The following GPR158 variants were observed in gnomAD, a reference collection of about 807,000 sequenced individuals.
GPR158 encodes G protein-coupled receptor 158, also known as metabotropic glycine receptor.
GPR158 carries 30 observed loss-of-function variants against 78.2 expected under a neutral mutation model. The observed-to-expected ratio is 0.38, with a 90% CI of 0.29 to 0.52. GPR158 has a LOEUF of 0.52. Among genes scored for constraint, GPR158 ranks in the 20% least tolerant of loss-of-function variants. The probability of loss-of-function intolerance (pLI) is 0.83; values close to 1 mark genes in which losing one functional copy is unlikely to be tolerated. For missense variants in GPR158, 1,463 were observed against 1,523.5 expected, an observed-to-expected ratio of 0.96 and a Z score of 0.66; for synonymous variants, 581 against 591.1, an observed-to-expected ratio of 0.98 and a Z score of 0.25.
intron 7 of GPR158, among the ~76,000 whole-genome samples, chr10:25,578,841 A>C (rs1392328403): frequency 6.6e-6 from 1 of 151,926 alleles, no homozygotes; most frequent in Non-Finnish European, 1.5e-5. Context: ...CCCCATCTCT[A>C]CTAAAAATAC....
intron 5 of GPR158, among the ~76,000 whole-genome samples, chr10:25,519,470 G>A (rs1428616718): frequency 1.8e-4 from 23 of 126,882 alleles, no homozygotes; most frequent in South Asian, 1.4e-3. Context: ...TCCTAGTCTC[G>A]ATGGTCTTTA....
At chr10:25,489,557 C>A (rs575807344) in intron 5 of GPR158, among the ~76,000 whole-genome samples, 24 of 152,012 alleles carry the variant, frequency 1.6e-4, no homozygotes, top group Non-Finnish European at 2.6e-4. Flanking sequence ...CACTAGAATG[C>A]CTCTTCAAAT....
intron 2 of GPR158, among the ~76,000 whole-genome samples, chr10:25,230,281 A>T (rs1399489301): frequency 6.6e-6 from 1 of 152,176 alleles, no homozygotes; most frequent in South Asian, 2.1e-4. Flanking sequence ...GATATTTGGG[A>T]GGATAATTGA....
At chr10:25,476,090 T>C (rs1835579930) in intron 5 of GPR158, 1 of 152,248 alleles carries the variant, frequency 6.6e-6, no homozygotes, top group South Asian at 2.1e-4. Flanking sequence ...AGCATTGTTA[T>C]ATTGGGTAGC....
chr10:25,376,773 GA>G (rs1185348315), intron 2 of GPR158, among the ~76,000 whole-genome samples: 3 of 151,610 alleles, frequency 2.0e-5, no homozygotes, highest in African/African-American at 7.3e-5. Context: ...TATACATCCT[GA>G]ATTAGCAGTT....
chr10:25,580,079 C>T (rs1368927460), intron 7 of GPR158, among the ~76,000 whole-genome samples: 1 of 152,194 alleles, frequency 6.6e-6, no homozygotes, highest in Non-Finnish European at 1.5e-5. Flanking sequence ...CAGAGCTTGA[C>T]ATCACTTGTT....
intron 1 of GPR158, among the ~76,000 whole-genome samples, chr10:25,187,680 T>C (rs1247471845): frequency 1.3e-5 from 2 of 152,228 alleles, no homozygotes; most frequent in Non-Finnish European, 2.9e-5. Flanking sequence ...AATATCATAC[T>C]GAATGGGCAA....
chr10:25,303,403 A>C (rs746308123), intron 2 of GPR158, among the ~76,000 whole-genome samples: 1 of 152,138 alleles, frequency 6.6e-6, no homozygotes, highest in Non-Finnish European at 1.5e-5. Context: ...TCTGTCCTTA[A>C]CTTTGTATTA....
chr10:25,345,679 T>A (rs761317418), intron 2 of GPR158, among the ~76,000 whole-genome samples: 34 of 151,926 alleles, frequency 2.2e-4, no homozygotes, highest in Admixed American at 9.9e-4. Context: ...TGGCAAAAAT[T>A]GTAATCTGCT....
chr10:25,280,071 A>G (rs2130752385), intron 2 of GPR158, among the ~76,000 whole-genome samples: 1 of 152,294 alleles, frequency 6.6e-6, no homozygotes, highest in Non-Finnish European at 1.5e-5. Context: ...AAAAGCATAG[A>G]AAAATCAGGT....
intron 5 of GPR158, among the ~76,000 whole-genome samples, chr10:25,505,072 G>A (rs1161033956): frequency 4.6e-5 from 7 of 152,206 alleles, no homozygotes; most frequent in Non-Finnish European, 7.3e-5. Flanking sequence ...GAATTGTTAT[G>A]AGGATTAAAT....
At chr10:25,456,009 C>A (rs1197466870) in intron 4 of GPR158, among the ~76,000 whole-genome samples, 1 of 152,120 alleles carries the variant, frequency 6.6e-6, no homozygotes, top group Non-Finnish European at 1.5e-5. Context: ...AATGTTTATA[C>A]CATTTTAGAG....
At chr10:25,594,993 G>A (rs1350744323) in intron 9 of GPR158, among the ~76,000 whole-genome samples, 1 of 151,756 alleles carries the variant, frequency 6.6e-6, no homozygotes, top group Non-Finnish European at 1.5e-5. Context: ...TAATAGTAAG[G>A]CTTCCTGAAA....
intron 4 of GPR158, among the ~76,000 whole-genome samples, chr10:25,431,166 GA>G (rs1355453172): frequency 1.4e-5 from 1 of 70,496 alleles, no homozygotes; most frequent in Non-Finnish European, 4.2e-5. Flanking sequence ...AAATTTACAA[GA>G]AAAAAACAAC....
chr10:25,509,785 C>A (rs1455166350), intron 5 of GPR158, among the ~76,000 whole-genome samples: 3 of 152,188 alleles, frequency 2.0e-5, no homozygotes, highest in African/African-American at 7.2e-5. Context: ...GGTGCGATCT[C>A]CGCTCACCAC....
At chr10:25,193,824 T>TCCTAATTG (rs1189690411) in intron 1 of GPR158, among the ~76,000 whole-genome samples, 1 of 151,898 alleles carries the variant, frequency 6.6e-6, no homozygotes, top group Non-Finnish European at 1.5e-5. Context: ...AATAAGCTAT[T>TCCTAATTG]CCTAATTGCT....
rs1302547391 is a variant in GPR158 at position 25,568,863 on chromosome 10, G to C, written c.1515-3786G>C. On this transcript the variant is annotated intron_variant, in intron 6 of 10. Transcript: ENST00000376351. ...AAATAGTGAAACATTCTGAACTCAT[G>C]GTCTCCTGAAGACTTATCTATGAAA... Among the ~76,000 whole-genome samples the C allele has an allele frequency of 2.0e-5, 3 of 152,066 alleles. No homozygotes were observed. In the East Asian group the frequency reaches 5.8e-4, roughly 29 times the overall value.
chr10:25,417,969 C>A (rs1024702871), intron 4 of GPR158, among the ~76,000 whole-genome samples: 16 of 152,246 alleles, frequency 1.1e-4, no homozygotes, highest in African/African-American at 3.6e-4. Flanking sequence ...AGAAATGGAC[C>A]ATTTTGGAAC....
chr10:25,431,331 A>G (rs1314543368), intron 4 of GPR158, among the ~76,000 whole-genome samples: 3 of 148,588 alleles, frequency 2.0e-5, no homozygotes, highest in Non-Finnish European at 4.5e-5. Context: ...ACCAGTTAGA[A>G]TGGCAGTCAT....
Sources: gnomAD v4.1 joint callset for allele counts (sites outside exome capture counted in the v4.1 genomes callset) on GRCh38, gnomAD v4.1.1 for gene constraint, MANE v1.5 for transcripts, NCBI Gene and HGNC (gene_info 2026-07-23, HGNC 2026-07-21) for gene names.